Variants in BRD2 observed in about 807,000 individuals in gnomAD.
The protein encoded by BRD2 is bromodomain-containing protein 2.
A neutral mutation model predicts 79.1 loss-of-function variants in BRD2; 15 were observed. The ratio of observed to expected loss-of-function variants is 0.19; its 90% CI spans 0.13 to 0.29. BRD2 has a LOEUF of 0.29. Among genes scored for constraint, BRD2 ranks in the 10% least tolerant of loss-of-function variants. The pLI is 1.00. For missense variants in BRD2, 1,053 were observed against 991.3 expected (o/e 1.06, Z -0.84); for synonymous variants, 488 against 358.6 (o/e 1.36, Z -4.08).
At position 32,975,151 on chromosome 6, in the gene BRD2, A is replaced by T. The variant is rs1446158802; in HGVS notation, c.334-233A>T. 39 of 1,487,554 alleles carry T rather than the reference A, an allele frequency of 2.6e-5. 2 individuals carry two copies. The South Asian group carries it at 4.0e-4, about 15-fold the overall frequency. The allele number at this position is 1,487,554 out of a possible 1,614,324, so 92.1% of individuals were successfully genotyped here. A position where few individuals can be genotyped will look rare whatever the true frequency, so the allele number is the denominator to read the frequency against. On this transcript the variant is annotated intron_variant, in intron 3 of 12. Coordinates refer to ENST00000374825, the MANE Select transcript of BRD2 (RefSeq NM_005104.4). The stretch of plus-strand genomic sequence containing the variant: ...ATGGGAAGTTTCCAGAGTGGGTGGG[A>T]GGTGGGTGGTTAGAGAAAGGCAGCA...
At chr6:32,975,954 C>A in intron 4 of BRD2, 77 bp from the exon 5 acceptor site, 2 of 1,489,560 alleles carry the variant, frequency 1.3e-6, no homozygotes, top group South Asian at 1.4e-5. Context: ...GGCCTGAATG[C>A]CTCTGAGAAA....
At chr6:32,974,381 C>T in intron 2 of BRD2, 81 bp from the exon 3 acceptor site, 2 of 1,434,230 alleles carry the variant, frequency 1.4e-6, no homozygotes, top group African/African-American at 1.4e-5. Flanking sequence ...GGGCCAGCAC[C>T]TGGATTCATC....
chr6:32,975,032 G>T, intron 3 of BRD2: 5 of 1,525,784 alleles, frequency 3.3e-6, no homozygotes, highest in Non-Finnish European at 4.4e-6. Flanking sequence ...TTCCCACCTC[G>T]GGTTGGGAGA....
chr6:32,973,528 C>G (rs1778317772), intron 2 of BRD2, among the ~76,000 whole-genome samples: 1 of 152,102 alleles, frequency 6.6e-6, no homozygotes, highest in South Asian at 2.1e-4. Flanking sequence ...GAGGGTAGAG[C>G]TAAGGTTCCT....
intron 1 of BRD2, chr6:32,969,299 G>C: frequency 1.4e-6 from 1 of 714,756 alleles, no homozygotes; most frequent in Middle Eastern, 2.3e-4. Context: ...TTAGGGGGCG[G>C]TGTGGCCCCC....
At chr6:32,979,648 C>CAA (rs9282355) in intron 10 of BRD2, 180 bp from the exon 11 acceptor site, 602,902 of 656,168 alleles carry the variant, frequency 0.92, 277,711 homozygotes, top group Middle Eastern at 0.98. Context: ...TACTTACAGT[C>CAA]GAGCAAAATG....
rs764143962 is a variant in BRD2, at chr6:32,980,604, C to A, written c.2292C>A (p.Ser764=). ...PKKANEKTES[S]SAQQVAVSRL... is the part of the protein sequence containing the mutation. The stretch of plus-strand genomic sequence containing the variant: ...CAGCGAATGAGAAAACAGAGTCATC[C>A]TCTGCACAGCAAGTAGCAGTGTCAC... Residue 764 remains serine, a synonymous_variant, in exon 13 of 13, where the codon TCC becomes TCA. Coordinates refer to ENST00000374825, the MANE Select transcript of BRD2 (RefSeq NM_005104.4). 1 of 1,610,358 alleles carries A rather than the reference C, an allele frequency of 6.2e-7. No individual in the cohort carries two copies. Among genetic ancestry groups the A allele is most frequent in the South Asian group, 1.1e-5 (1 of 91,064 alleles).
rs1415472758 is a variant in BRD2, at chr6:32,977,434, T to A, written c.1201-8T>A. On this transcript the variant is annotated splice_region_variant and splice_polypyrimidine_tract_variant and intron_variant, in intron 7 of 12. Coordinates refer to ENST00000374825, the MANE Select transcript of BRD2 (RefSeq NM_005104.4). ...CTGTGCAGCTTCTGATGCTGCCTCC[T>A]TCTGCAGCGGAAGATGGAGAACCGT... 1 of 1,613,862 alleles carries A rather than the reference T, an allele frequency of 6.2e-7. No homozygotes were observed. Among genetic ancestry groups the A allele is most frequent in the Admixed American group, 1.7e-5 (1 of 60,020 alleles).
intron 1 of BRD2, 39 bp downstream of exon 1, chr6:32,969,095 G>A (rs1402116614): frequency 3.9e-6 from 2 of 513,372 alleles, no homozygotes; most frequent in African/African-American, 1.9e-5. Context: ...TGTCAGTCAA[G>A]TGCTTAACCA....
intron 2 of BRD2, among the ~76,000 whole-genome samples, chr6:32,973,731 A>T (rs1443072158): frequency 6.6e-6 from 1 of 152,082 alleles, no homozygotes; most frequent in African/African-American, 2.4e-5. Context: ...GAAGGGGGCT[A>T]TCACTTGGTG....
chr6:32,968,971 T>TCG lies in BRD2; in HGVS notation c.-1390_-1389insCG, dbSNP rs1777700230. 1 of 180,272 alleles carries TCG rather than the reference T, an allele frequency of 5.5e-6. No individual in the cohort carries two copies. The highest frequency in any genetic ancestry group is 1.2e-5 in the Non-Finnish European group (1 of 85,928). The allele number at this position is 180,272 out of a possible 1,614,324, so 11.2% of individuals were successfully genotyped here. A position where few individuals can be genotyped will look rare whatever the true frequency, so the allele number is the denominator to read the frequency against. Reference sequence around the variant, plus strand: ...CCTCCCCCAGCACGGCTTCGTTTTCTGGGGGGGGGTTGACACCCCGGATTA... The same window carrying TCG: ...CCTCCCCCAGCACGGCTTCGTTTTCTCGGGGGGGGGGTTGACACCCCGGATTA... On this transcript the variant is annotated 5_prime_UTR_variant, in exon 1 of 13. It introduces an in-frame stop codon into an upstream open reading frame of the 5' UTR. Transcript: ENST00000374825.
At chr6:32,974,875 C>T in intron 3 of BRD2, 110 bp downstream of exon 3, 1 of 1,427,848 alleles carries the variant, frequency 7.0e-7, no homozygotes, top group Non-Finnish European at 9.4e-7. Flanking sequence ...TCCCATTTCT[C>T]CCCTGTAGGG....
At position 32,977,952 on chromosome 6, in the gene BRD2, A is replaced by G. The variant is rs1339637478; in HGVS notation, c.1525A>G (p.Ser509Gly). 1 of 1,612,472 alleles carries G rather than the reference A, an allele frequency of 6.2e-7. No homozygotes were observed. The highest frequency in any genetic ancestry group is 1.7e-5 in the Admixed American group (1 of 60,034). Residue 509 changes from serine to glycine, a missense_variant, in exon 9 of 13, where the codon AGC becomes GGC. By Grantham distance (56) the Ser-to-Gly change is moderately conservative (BLOSUM62 0). Around this residue, in one of 5 missense-constraint regions of BRD2, gnomAD observed 454 missense variants for 430.5 expected, o/e 1.05. Transcript: ENST00000374825. ...EEDEEEEESE[S>G]SDSEEERAHR... is the part of the protein sequence containing the mutation. Reference sequence around the variant, plus strand: ...GGACGAGGAGGAAGAAGAGAGTGAAAGCTCAGACTCAGAGGAAGAAAGGGC... The same window carrying G: ...GGACGAGGAGGAAGAAGAGAGTGAAGGCTCAGACTCAGAGGAAGAAAGGGC...
chr6:32,969,254 C>T (rs115460679), intron 1 of BRD2, 198 bp downstream of exon 1: 12,301 of 647,010 alleles, frequency 0.019, 191 homozygotes, highest in Non-Finnish European at 0.027. Flanking sequence ...GAATGGCCAG[C>T]CTCATGCCTC....
At chr6:32,973,073 GCGA>G in intron 2 of BRD2, 146 bp downstream of exon 2, 1 of 1,587,206 alleles carries the variant, frequency 6.3e-7, no homozygotes, top group South Asian at 1.1e-5. Context: ...AGGGAATTGA[GCGA>G]CGGTTTTGGA....
rs757827667 is a variant in BRD2, at chr6:32,976,624, T to C, written c.888T>C (p.Pro296=). 21 of 1,611,520 alleles carry C rather than the reference T, an allele frequency of 1.3e-5. No individual in the cohort carries two copies. Among genetic ancestry groups the C allele is most frequent in the Non-Finnish European group, 1.3e-5 (15 of 1,179,668 alleles). ...CTACACCTACAGCCATCTTGGCTCCTGGTTCTCCAGCTAGCCCTCCTGGGA... is the reference window on the plus strand; with the variant it reads ...CTACACCTACAGCCATCTTGGCTCCCGGTTCTCCAGCTAGCCCTCCTGGGA... ...TTPTPTAILA[P]GSPASPPGSL... The change falls in exon 7 of 13, where the codon CCT becomes CCC. Residue 296 remains proline, a synonymous_variant. Coordinates refer to ENST00000374825, the MANE Select transcript of BRD2 (RefSeq NM_005104.4).
chr6:32,972,713 G>C lies in BRD2; in HGVS notation c.-186G>C, dbSNP rs1042111469. ...GTCTGCAGAGCGCGCCAAGCTGCCC[G>C]GAGCTCTCCGAGAGGCCCCAAAGAG... is the stretch of plus-strand genomic sequence containing the variant. On this transcript the variant is annotated 5_prime_UTR_variant, in exon 2 of 13. Coordinates refer to ENST00000374825, the MANE Select transcript of BRD2 (RefSeq NM_005104.4). 36 of 831,462 alleles carry C rather than the reference G, an allele frequency of 4.3e-5. No individual in the cohort carries two copies. The highest frequency in any genetic ancestry group is 6.5e-5 in the Non-Finnish European group (35 of 534,974). 51.5% of individuals were successfully genotyped at this position (831,462 alleles called of 1,614,324 possible). A position where few individuals can be genotyped will look rare whatever the true frequency, so the allele number is the denominator to read the frequency against.
rs1368079617 is a variant in BRD2, at chr6:32,972,037, C to T, written c.-862C>T. ...GGCTGGCCAATAGAAAAAGCTCCCG[C>T]GGAGAGGTGTTCCTTCCCCTTCGAC... On this transcript the variant is annotated 5_prime_UTR_variant, in exon 2 of 13. Transcript: ENST00000374825. 4.3e-6 allele frequency: 3 copies of T among 701,740 alleles called. No homozygotes were observed. The highest frequency in any genetic ancestry group is 2.0e-5 in the Admixed American group (1 of 49,952). 43.5% of individuals were successfully genotyped at this position (701,740 alleles called of 1,614,324 possible).
At chr6:32,969,733 G>C (rs919997013) in intron 1 of BRD2, among the ~76,000 whole-genome samples, 1 of 152,200 alleles carries the variant, frequency 6.6e-6, no homozygotes, top group African/African-American at 2.4e-5. Context: ...GGTCTGCTTA[G>C]GAACAGAAAC....
Sources: allele counts gnomAD v4.1 joint callset (sites outside exome capture counted in the v4.1 genomes callset), GRCh38; gene constraint gnomAD v4.1.1; regional missense constraint gnomAD v4.1.1; transcripts MANE v1.5; gene names NCBI Gene and HGNC (gene_info 2026-07-23, HGNC 2026-07-21).